Variants in EIF4E3 observed in about 807,000 individuals in gnomAD.
EIF4E3 encodes eukaryotic translation initiation factor 4E type 3.
Under a neutral mutation model 31.7 loss-of-function variants are expected in EIF4E3, and 26 were observed. The ratio of observed to expected loss-of-function variants is 0.82; its 90% CI spans 0.60 to 1.14. The LOEUF (loss-of-function observed/expected upper bound fraction) is 1.14. Ranked by LOEUF, EIF4E3 falls within the 50% of genes most tolerant of loss-of-function variation. The pLI, the probability that EIF4E3 is intolerant of heterozygous loss-of-function variation, is 0.00. For missense variants in EIF4E3, 304 were observed against 270.9 expected, an observed-to-expected ratio of 1.12 and a Z score of -0.86; for synonymous variants, 128 against 107.7, an observed-to-expected ratio of 1.19 and a Z score of -1.17.
At chr3:71,748,923 T>C (rs923045312) in intron 1 of EIF4E3, among the ~76,000 whole-genome samples, 3 of 152,304 alleles carry the variant, frequency 2.0e-5, no homozygotes, top group South Asian at 2.1e-4. Flanking sequence ...CTTGATTATA[T>C]AGACTGACAC....
At chr3:71,701,565 G>A (rs2049216951) in intron 2 of EIF4E3, among the ~76,000 whole-genome samples, 1 of 152,208 alleles carries the variant, frequency 6.6e-6, no homozygotes, top group Non-Finnish European at 1.5e-5. Context: ...GGTAAGCATA[G>A]GGTGATCATC....
At chr3:71,734,941 C>T (rs1295771307) in intron 1 of EIF4E3, among the ~76,000 whole-genome samples, 1 of 152,188 alleles carries the variant, frequency 6.6e-6, no homozygotes, top group African/African-American at 2.4e-5. Flanking sequence ...TAATCCTCAA[C>T]ATCATCCCAT....
chr3:71,670,531 T>TA (rs1005721485), downstream of EIF4E3, among the ~76,000 whole-genome samples: 6 of 152,064 alleles, frequency 3.9e-5, no homozygotes, highest in Admixed American at 6.5e-5. Context: ...GACTTAGGAA[T>TA]AAAAAAAAGT....
chr3:71,708,925 G>A (rs1409210198), intron 2 of EIF4E3, among the ~76,000 whole-genome samples: 1 of 152,126 alleles, frequency 6.6e-6, no homozygotes, highest in Non-Finnish European at 1.5e-5. Flanking sequence ...ACAAGCTTAT[G>A]TCATTTCCCC....
chr3:71,731,501 G>A (rs1033093891), intron 1 of EIF4E3, among the ~76,000 whole-genome samples: 8 of 152,174 alleles, frequency 5.3e-5, no homozygotes, highest in Non-Finnish European at 7.4e-5. Flanking sequence ...CCGATCTTCC[G>A]AAACAGAATA....
chr3:71,753,869 G>GGCGGCGGCACA (rs2049966770), upstream of EIF4E3, among the ~76,000 whole-genome samples: 2 of 148,604 alleles, frequency 1.3e-5, no homozygotes, highest in Admixed American at 1.3e-4. Context: ...CTGAGATGGC[G>GGCGGCGGCACA]GCGGCGGCAC....
chr3:71,745,187 C>CAAA (rs2049859171), intron 1 of EIF4E3, among the ~76,000 whole-genome samples: 2 of 152,150 alleles, frequency 1.3e-5, no homozygotes, highest in African/African-American at 4.8e-5. Context: ...TACAATTCTG[C>CAAA]AAATGAAAGG....
At chr3:71,743,735 G>T (rs1288091556) in intron 1 of EIF4E3, among the ~76,000 whole-genome samples, 1 of 152,100 alleles carries the variant, frequency 6.6e-6, no homozygotes, top group South Asian at 2.1e-4. Flanking sequence ...CCACAATAAT[G>T]AATACAGTGT....
chr3:71,699,552 T>C (rs975705392), intron 3 of EIF4E3, 62 bp downstream of exon 3: 16 of 1,418,228 alleles, frequency 1.1e-5, no homozygotes, highest in Admixed American at 1.7e-5. Context: ...GATATGATCT[T>C]TTATGAGGTT....
intron 6 of EIF4E3, 121 bp from the exon 7 acceptor site, chr3:71,684,849 C>T (rs2048970346): frequency 4.5e-6 from 4 of 895,832 alleles, no homozygotes; most frequent in Non-Finnish European, 6.6e-6. Flanking sequence ...AACTCAAACA[C>T]CTTATTTATT....
chr3:71,709,896 C>T (rs900471911), intron 2 of EIF4E3, among the ~76,000 whole-genome samples: 1 of 152,048 alleles, frequency 6.6e-6, no homozygotes, highest in African/African-American at 2.4e-5. Context: ...AGGGGTTGAT[C>T]CATGCCTAAT....
chr3:71,752,391 T>C (rs1343031489), intron 1 of EIF4E3, among the ~76,000 whole-genome samples: 2 of 152,162 alleles, frequency 1.3e-5, no homozygotes, highest in Admixed American at 1.3e-4. Context: ...GTCGCTCCCC[T>C]TCTCAAAAGA....
the EIF4E3 span, among the ~76,000 whole-genome samples, chr3:71,662,090 G>C: frequency 6.6e-6 from 1 of 152,130 alleles, no homozygotes; most frequent in Non-Finnish European, 1.5e-5. Context: ...TATAATTATT[G>C]CTTAATTTCT....
intron 1 of EIF4E3, among the ~76,000 whole-genome samples, chr3:71,748,321 A>G (rs2049893814): frequency 6.6e-6 from 1 of 152,134 alleles, no homozygotes; most frequent in Non-Finnish European, 1.5e-5. Context: ...TGGCTATGGG[A>G]CTTCAGTATG....
intron 6 of EIF4E3, among the ~76,000 whole-genome samples, chr3:71,685,415 A>G (rs1412069678): frequency 6.6e-6 from 1 of 152,242 alleles, no homozygotes; most frequent in Non-Finnish European, 1.5e-5. Flanking sequence ...GCTGGAGTGC[A>G]GTGGCGCAAT....
At chr3:71,696,719 ATT>A (rs151225724) in intron 3 of EIF4E3, among the ~76,000 whole-genome samples, 199 bp from the exon 4 acceptor site, 7 of 141,082 alleles carry the variant, frequency 5.0e-5, no homozygotes, top group Admixed American at 7.0e-5. Flanking sequence ...GTATATCTGA[ATT>A]TTTTTTTTTT....
upstream of EIF4E3, chr3:71,754,352 G>T (rs2049977639): frequency 1.5e-6 from 2 of 1,312,520 alleles, no homozygotes; most frequent in South Asian, 1.9e-5. The surrounding 1 kb of genome is among the most constrained non-coding windows in gnomAD (Gnocchi z 5.8). Context: ...TCGCCTTCCT[G>T]GCCGCGCTCT....
chr3:71,723,910 T>C (rs1296153962), intron 1 of EIF4E3, among the ~76,000 whole-genome samples: 1 of 151,752 alleles, frequency 6.6e-6, no homozygotes, highest in Admixed American at 6.6e-5. Flanking sequence ...GCAAAGAAAA[T>C]GGCAGCAAGT....
In EIF4E3 at chr3:71,725,286, G is replaced by GGGCGGCGGCAGC. The variant is rs1553666783; in HGVS notation, c.70_81dup (p.Ala24_Ala27dup). 1.7e-5 allele frequency: 17 copies of GGGCGGCGGCAGC among 1,012,096 alleles called. No homozygotes were observed. The highest frequency in any genetic ancestry group is 4.7e-4 in the Middle Eastern group (1 of 2,122). 62.7% of individuals were successfully genotyped at this position (1,012,096 alleles called of 1,614,324 possible). A position where few individuals can be genotyped will look rare whatever the true frequency, so the allele number is the denominator to read the frequency against. On this transcript the variant is annotated inframe_insertion, in exon 1 of 7. Transcript: ENST00000425534. This position sits in a 1 kb window ranked among gnomAD's most constrained non-coding sequence, Gnocchi z 6.1. ...TGCTGCAGGCCGAGCGGCGGCTCGG[G>GGGCGGCGGCAGC]GGCGGCGGCAGCGGCGGCGGCGCGG...
Sources: gnomAD v4.1 joint callset for allele counts (sites outside exome capture counted in the v4.1 genomes callset) on GRCh38, gnomAD v4.1.1 for gene constraint, Gnocchi (gnomAD v3.1) non-coding constraint, MANE v1.5 for transcripts, NCBI Gene and HGNC (gene_info 2026-07-23, HGNC 2026-07-21) for gene names.